The following ST6GALNAC1 variants were observed in gnomAD, a reference collection of about 807,000 sequenced individuals.
ST6GALNAC1 encodes the protein ST6 N-acetylgalactosaminide alpha-2,6-sialyltransferase 1.
A neutral mutation model predicts 56.8 loss-of-function variants in ST6GALNAC1; 45 were observed. That is an observed-to-expected ratio of 0.79 (90% confidence interval 0.62 to 1.02). The LOEUF (loss-of-function observed/expected upper bound fraction) is 1.02, where lower values mean the gene tolerates loss of function less well. Among genes scored for constraint, ST6GALNAC1 ranks in the 50% least tolerant of loss-of-function variants. The pLI is 0.00. For missense variants in ST6GALNAC1, 743 were observed against 754.8 expected, an observed-to-expected ratio of 0.98 and a Z score of 0.18; for synonymous variants, 295 against 297.8, an observed-to-expected ratio of 0.99 and a Z score of 0.10.
intron 1 of ST6GALNAC1, among the ~76,000 whole-genome samples, chr17:76,638,899 C>G (rs1318205366): frequency 6.6e-6 from 1 of 152,082 alleles, no homozygotes; most frequent in Non-Finnish European, 1.5e-5. Context: ...TCTTGAAGTT[C>G]TTCTGCTACA....
intron 2 of ST6GALNAC1, among the ~76,000 whole-genome samples, chr17:76,628,096 CAAAAAAAA>C (rs11312067): frequency 1.4e-5 from 1 of 69,788 alleles, no homozygotes; most frequent in Non-Finnish European, 3.0e-5. Flanking sequence ...GAGTCCATCT[CAAAAAAAA>C]AAAAAAAAAA....
intron 1 of ST6GALNAC1, among the ~76,000 whole-genome samples, chr17:76,632,507 C>T (rs2075917999): frequency 6.6e-6 from 1 of 152,152 alleles, no homozygotes; most frequent in African/African-American, 2.4e-5. Flanking sequence ...CGCAAATCTA[C>T]AATTGATTGA....
At chr17:76,620,297 C>G (rs1461420012), downstream of ST6GALNAC1, among the ~76,000 whole-genome samples, 2 of 152,148 alleles carry the variant, frequency 1.3e-5, no homozygotes, top group Non-Finnish European at 2.9e-5. Flanking sequence ...GCCTCGGTCT[C>G]CCAAAGTGCT....
At chr17:76,623,750 T>C (rs1219499730), downstream of ST6GALNAC1, among the ~76,000 whole-genome samples, 1 of 152,244 alleles carries the variant, frequency 6.6e-6, no homozygotes, top group Non-Finnish European at 1.5e-5. Flanking sequence ...TCTTTTCTAA[T>C]TCTATTGGCT....
In ST6GALNAC1 at chr17:76,628,998, T is replaced by C. The variant is rs761434216; in HGVS notation, c.831+14A>G. On this transcript the variant is annotated intron_variant, in intron 2 of 8. Transcript: ENST00000156626. ...GCTGGGAGCCAGAGGGAAGGCGTGG[T>C]GGCAAAAACTCACCGTCTGAAGGCC... 6.6e-7 allele frequency: 1 copy of C among 1,520,522 alleles called. No homozygotes were observed. The highest frequency in any genetic ancestry group is 8.8e-7 in the Non-Finnish European group (1 of 1,136,236). The allele number at this position is 1,520,522 out of a possible 1,614,324, so 94.2% of individuals were successfully genotyped here.
intron 1 of ST6GALNAC1, among the ~76,000 whole-genome samples, chr17:76,639,667 A>G (rs905851167): frequency 1.3e-5 from 2 of 149,920 alleles, no homozygotes; most frequent in Admixed American, 6.7e-5. Flanking sequence ...ACACACACAC[A>G]CACACACACA....
At chr17:76,619,805 C>T (rs564173065), downstream of ST6GALNAC1, among the ~76,000 whole-genome samples, 17 of 131,062 alleles carry the variant, frequency 1.3e-4, no homozygotes, top group Admixed American at 5.3e-4. Flanking sequence ...AGTGCAATGG[C>T]GCAATCTTGC....
chr17:76,625,397 A>T lies in ST6GALNAC1; in HGVS notation c.1736T>A (p.Leu579Gln). ...FKLEREVWKR[L>Q]HDEGIIRLYQ... ...CAGCCGGATTATCCCTTCATCGTGTAGCCGCTTCCAGACTTCTCTCTCCAG... is the reference window on the plus strand; with the variant it reads ...CAGCCGGATTATCCCTTCATCGTGTTGCCGCTTCCAGACTTCTCTCTCCAG... Residue 579 changes from leucine to glutamine, a missense_variant, in exon 9 of 9, where the codon CTA (leucine) becomes CAA (glutamine). By Grantham distance (113) the Leu-to-Gln change is moderately radical. Transcript: ENST00000156626. The T allele has an allele frequency of 6.2e-7, 1 of 1,614,170 alleles. No individual in the cohort carries two copies. The highest frequency in any genetic ancestry group is 8.5e-7 in the Non-Finnish European group (1 of 1,180,032).
chr17:76,643,004 T>C (rs2076069188), intron 1 of ST6GALNAC1, among the ~76,000 whole-genome samples: 1 of 152,134 alleles, frequency 6.6e-6, no homozygotes, highest in African/African-American at 2.4e-5. Context: ...GAAGGTATTT[T>C]TGAAGGATTA....
the ST6GALNAC1 span, among the ~76,000 whole-genome samples, chr17:76,617,460 C>T: frequency 6.6e-6 from 1 of 152,082 alleles, no homozygotes; most frequent in African/African-American, 2.4e-5. Flanking sequence ...GTTACTGGCT[C>T]CCATTCAAGG....
chr17:76,632,294 G>T (rs1188733909), intron 1 of ST6GALNAC1, among the ~76,000 whole-genome samples: 1 of 152,116 alleles, frequency 6.6e-6, no homozygotes. Context: ...TGCCTGGCTG[G>T]CAGGCACCTT....
At chr17:76,622,159 C>T (rs2075748098), downstream of ST6GALNAC1, among the ~76,000 whole-genome samples, 2 of 150,310 alleles carry the variant, frequency 1.3e-5, no homozygotes, top group South Asian at 4.2e-4. Flanking sequence ...ATCATTTTTA[C>T]ATCTTTTTTG....
At chr17:76,628,253 T>TCCCC (rs2075837975) in intron 2 of ST6GALNAC1, among the ~76,000 whole-genome samples, 1 of 35,922 alleles carries the variant, frequency 2.8e-5, no homozygotes. Flanking sequence ...CCTCCCTCCC[T>TCCCC]CCCTCCCTCC....
chr17:76,624,030 C>T (rs774908779), downstream of ST6GALNAC1, among the ~76,000 whole-genome samples: 16 of 152,188 alleles, frequency 1.1e-4, no homozygotes, highest in Non-Finnish European at 2.1e-4. Flanking sequence ...CCTGGGGTGC[C>T]GCGGAGGACA....
At chr17:76,626,940 C>T (rs1026589019) in intron 4 of ST6GALNAC1, 127 bp downstream of exon 4, 17 of 1,437,824 alleles carry the variant, frequency 1.2e-5, no homozygotes, top group Non-Finnish European at 1.4e-5. Context: ...CAGATGCAGG[C>T]GTGGAACATC....
At position 76,627,378 on chromosome 17, in the gene ST6GALNAC1, C is replaced by G. The variant is rs1200428098; in HGVS notation, c.1000+37G>C. 1 of 1,611,552 alleles carries G rather than the reference C, an allele frequency of 6.2e-7. No homozygotes were observed. Among genetic ancestry groups the G allele is most frequent in the Admixed American group, 1.7e-5 (1 of 59,862 alleles). The stretch of plus-strand genomic sequence containing the variant: ...GCCCTCTGCCCTCTGCCCCGGCCTA[C>G]TGCGCACCCACACCTTCCCCTGGGT... On this transcript the variant is annotated intron_variant, in intron 3 of 8. Transcript: ENST00000156626. The surrounding 1 kb of genome is among the most constrained non-coding windows in gnomAD (Gnocchi z 4.4).
At position 76,629,627 on chromosome 17, in the gene ST6GALNAC1, C is replaced by T; in HGVS notation, c.216G>A (p.Arg72=). ...GCACTGGCTCTGCATAGATGGTTGT[C>T]CTCCTTGCCCTTGTGGGTGCCTGGG... ...PKSQAPTRAR[R]TTIYAEPVPE... is the part of the protein sequence containing the mutation. Residue 72 remains arginine (R), a synonymous_variant, in exon 2 of 9, where the codon AGG becomes AGA. Transcript: ENST00000156626. 6.2e-7 allele frequency: 1 copy of T among 1,613,632 alleles called. No homozygotes were observed. Among genetic ancestry groups the T allele is most frequent in the Non-Finnish European group, 8.5e-7 (1 of 1,179,730 alleles).
intron 1 of ST6GALNAC1, among the ~76,000 whole-genome samples, chr17:76,641,252 G>T (rs2076044631): frequency 6.6e-6 from 1 of 151,998 alleles, no homozygotes; most frequent in African/African-American, 2.4e-5. Flanking sequence ...CTTTGTTCGG[G>T]GCTCAGTTTT....
Position 76,627,965 on chromosome 17 carries a change from C to T in ST6GALNAC1, c.832-382G>A, listed in dbSNP as rs375079866. Among the ~76,000 whole-genome samples, 10 of 151,920 alleles carry T rather than the reference C, an allele frequency of 6.6e-5. No homozygotes were observed. Among genetic ancestry groups the T allele is most frequent in the South Asian group, 6.2e-4 (3 of 4,822 alleles). On this transcript the variant is annotated intron_variant, in intron 2 of 8. Coordinates refer to ENST00000156626, the MANE Select transcript of ST6GALNAC1 (RefSeq NM_018414.5). This position sits in a 1 kb window ranked among gnomAD's most constrained non-coding sequence, Gnocchi z 4.4. ...ACAAAAAATTAGCCGGGCGTGGTGG[C>T]GGGCGCCTGTAGTTCCAGCTACTCG...
Sources: gnomAD v4.1 joint callset for allele counts (sites outside exome capture counted in the v4.1 genomes callset) on GRCh38, gnomAD v4.1.1 for gene constraint, Gnocchi (gnomAD v3.1) non-coding constraint, MANE v1.5 for transcripts, NCBI Gene and HGNC (gene_info 2026-07-23, HGNC 2026-07-21) for gene names.